SPOCK3: variants seen among roughly 807,000 people sequenced by gnomAD.
SPOCK3 encodes testican-3.
Under a neutral mutation model 56.6 loss-of-function variants are expected in SPOCK3, and 30 were observed. That is an observed-to-expected ratio of 0.53 (90% confidence interval 0.40 to 0.72). The LOEUF is 0.72. Ranked by LOEUF, SPOCK3 falls within the 30% of genes least tolerant of loss-of-function variation. SPOCK3 has a pLI of 0.00. For missense variants in SPOCK3, 527 were observed against 530.0 expected, an observed-to-expected ratio of 0.99 and a Z score of 0.06; for synonymous variants, 196 against 183.3, an observed-to-expected ratio of 1.07 and a Z score of -0.56.
At chr4:167,084,254 C>T (rs1457451073) in intron 2 of SPOCK3, among the ~76,000 whole-genome samples, 1 of 152,044 alleles carries the variant, frequency 6.6e-6, no homozygotes, top group Non-Finnish European at 1.5e-5. Flanking sequence ...CCTGAATATG[C>T]TGGAAATCAT....
intron 8 of SPOCK3, among the ~76,000 whole-genome samples, chr4:166,747,976 A>C (rs912298991): frequency 6.6e-6 from 1 of 152,196 alleles, no homozygotes; most frequent in Non-Finnish European, 1.5e-5. Context: ...CTGCTCAATG[A>C]AATAAAAAAA....
intron 4 of SPOCK3, among the ~76,000 whole-genome samples, chr4:166,968,471 C>T (rs1209263586): frequency 6.6e-6 from 1 of 152,122 alleles, no homozygotes; most frequent in Non-Finnish European, 1.5e-5. Context: ...GAGCATGATG[C>T]CCTACATCCC....
chr4:166,953,481 T>C (rs1297535842), intron 4 of SPOCK3, among the ~76,000 whole-genome samples: 11 of 151,580 alleles, frequency 7.3e-5, no homozygotes, highest in Non-Finnish European at 1.0e-4. Context: ...TTTTACACTG[T>C]TGGTGGGACT....
At chr4:166,851,251 G>A (rs1397487197) in intron 6 of SPOCK3, among the ~76,000 whole-genome samples, 1 of 152,204 alleles carries the variant, frequency 6.6e-6, no homozygotes, top group Non-Finnish European at 1.5e-5. Context: ...ACCTGCAGCT[G>A]AGGGTCCTGT....
At chr4:167,113,267 A>G (rs994340924) in intron 2 of SPOCK3, among the ~76,000 whole-genome samples, 2 of 152,094 alleles carry the variant, frequency 1.3e-5, no homozygotes, top group African/African-American at 4.8e-5. Context: ...AACTCTATAA[A>G]TCTTTTTCTA....
chr4:167,060,128 G>A (rs1282151315), intron 3 of SPOCK3, among the ~76,000 whole-genome samples: 1 of 151,458 alleles, frequency 6.6e-6, no homozygotes, highest in African/African-American at 2.4e-5. Context: ...TTGTGTACAC[G>A]TACCCTAAAA....
chr4:167,026,276 A>G (rs144424020), intron 3 of SPOCK3, among the ~76,000 whole-genome samples: 105 of 152,230 alleles, frequency 6.9e-4, no homozygotes, highest in African/African-American at 2.4e-3. Context: ...TATGTAATTC[A>G]ATAAAACTTA....
chr4:167,102,600 G>GCTGAACTCATTGCC (rs1159133121), intron 2 of SPOCK3: 2 of 152,232 alleles, frequency 1.3e-5, no homozygotes, highest in Non-Finnish European at 2.9e-5. Flanking sequence ...ACCCAGTGCT[G>GCTGAACTCATTGCC]CTGAACTCAT....
chr4:167,145,265 T>TG (rs1763851192), intron 2 of SPOCK3, among the ~76,000 whole-genome samples: 1 of 152,068 alleles, frequency 6.6e-6, no homozygotes, highest in South Asian at 2.1e-4. Context: ...AAGAAGTAGC[T>TG]GGGCAGGCAG....
chr4:167,031,233 T>A (rs1010177364), intron 3 of SPOCK3, among the ~76,000 whole-genome samples: 1 of 151,908 alleles, frequency 6.6e-6, no homozygotes, highest in South Asian at 2.1e-4. Context: ...AGGTATGAAA[T>A]AAGACAAGGT....
intron 6 of SPOCK3, among the ~76,000 whole-genome samples, chr4:166,876,707 T>C (rs1276988496): frequency 1.3e-5 from 2 of 152,124 alleles, no homozygotes; most frequent in East Asian, 3.9e-4. Flanking sequence ...ATTTTTAACA[T>C]TTAGTATCAA....
chr4:166,958,578 T>C (rs560374431), intron 4 of SPOCK3, among the ~76,000 whole-genome samples: 24 of 152,282 alleles, frequency 1.6e-4, no homozygotes, highest in African/African-American at 5.8e-4. Flanking sequence ...GAGTGATCCT[T>C]TTCTCCTATT....
At chr4:167,053,605 A>C (rs1754449226) in intron 3 of SPOCK3, among the ~76,000 whole-genome samples, 1 of 152,108 alleles carries the variant, frequency 6.6e-6, no homozygotes, top group Non-Finnish European at 1.5e-5. Flanking sequence ...GAATTGCTTG[A>C]ACCCAGGAGG....
At chr4:166,843,803 T>C (rs531263955) in intron 6 of SPOCK3, among the ~76,000 whole-genome samples, 5 of 152,338 alleles carry the variant, frequency 3.3e-5, no homozygotes, top group South Asian at 2.1e-4. Flanking sequence ...AGTTTGGCAA[T>C]GTAACTTCCT....
At chr4:167,059,573 C>G (rs1192175970) in intron 3 of SPOCK3, among the ~76,000 whole-genome samples, 1 of 152,014 alleles carries the variant, frequency 6.6e-6, no homozygotes, top group Non-Finnish European at 1.5e-5. Context: ...ACTAGTTCAA[C>G]CATTGTGGAA....
At chr4:166,860,802 C>CTCATATAT (rs1553989657) in intron 6 of SPOCK3, among the ~76,000 whole-genome samples, 1 of 101,938 alleles carries the variant, frequency 9.8e-6, no homozygotes, top group African/African-American at 3.8e-5. Flanking sequence ...CACACAAATT[C>CTCATATAT]ATATATATAT....
rs1443575899 is a variant in SPOCK3 at position 166,733,858 on chromosome 4, T to C, written c.*1063A>G. On this transcript the variant is annotated 3_prime_UTR_variant, in exon 11 of 11. Transcript: ENST00000357545. ...CCAGCAGCAATACCTTTACTGATAT[T>C]AATCTGTTAATTAGGTGTGCTTATA... The C allele has an allele frequency of 1.3e-5, 2 of 152,304 alleles. No homozygotes were observed. Among genetic ancestry groups the C allele is most frequent in the African/African-American group, 4.8e-5 (2 of 41,442 alleles). 9.4% of individuals were successfully genotyped at this position (152,304 alleles called of 1,614,324 possible). A position where few individuals can be genotyped will look rare whatever the true frequency, so the allele number is the denominator to read the frequency against.
rs191953042 is a variant in SPOCK3, at chr4:166,865,862, G to T, written c.589+23268C>A. On this transcript the variant is annotated intron_variant, in intron 6 of 10. Coordinates refer to ENST00000357545, the MANE Select transcript of SPOCK3 (RefSeq NM_001040159.2). Reference sequence around the variant, plus strand: ...TGAAAATGGCCATATTGCCCAAAGTGATTTACAGATTCAATGCTATCCCCA... The same window carrying T: ...TGAAAATGGCCATATTGCCCAAAGTTATTTACAGATTCAATGCTATCCCCA... 1.3e-4 allele frequency among the ~76,000 whole-genome samples: 20 copies of T among 152,100 alleles called. No homozygotes were observed. The East Asian group carries it at 3.7e-3, about 28-fold the overall frequency.
chr4:167,134,323 G>A (rs1442303671), intron 2 of SPOCK3, among the ~76,000 whole-genome samples: 1 of 151,906 alleles, frequency 6.6e-6, no homozygotes, highest in African/African-American at 2.4e-5. Context: ...GTGAGCCATC[G>A]CACGTGGCGC....
Sources: allele counts gnomAD v4.1 joint callset (sites outside exome capture counted in the v4.1 genomes callset), GRCh38; gene constraint gnomAD v4.1.1; transcripts MANE v1.5; gene names NCBI Gene and HGNC (gene_info 2026-07-23, HGNC 2026-07-21).